The following KRT36 variants were observed in gnomAD, a reference collection of about 807,000 sequenced individuals.
The protein encoded by KRT36 is keratin 36.
KRT36 carries 41 observed loss-of-function variants against 43.0 expected under a neutral mutation model. The ratio of observed to expected loss-of-function variants is 0.95; its 90% CI spans 0.74 to 1.24. KRT36 has a LOEUF of 1.24. Ranked by LOEUF, KRT36 falls within the 50% of genes most tolerant of loss-of-function variation. The pLI, the probability that KRT36 is intolerant of heterozygous loss-of-function variation, is 0.00. For synonymous variants in KRT36, 277 were observed against 252.9 expected, an observed-to-expected ratio of 1.10 and a Z score of -0.90; for missense variants, 627 against 595.3, an observed-to-expected ratio of 1.05 and a Z score of -0.55.
chr17:41,486,915 C>T, intron 6 of KRT36, 35 bp downstream of exon 6: 2 of 1,580,152 alleles, frequency 1.3e-6, no homozygotes, highest in African/African-American at 2.7e-5. Context: ...ACTGAGGGTT[C>T]AGTCAAGCCC....
At position 41,489,665 on chromosome 17, in the gene KRT36, T is replaced by C; in HGVS notation, c.200A>G (p.Tyr67Cys). 1 of 1,613,944 alleles carries C rather than the reference T, an allele frequency of 6.2e-7. No homozygotes were observed. Among genetic ancestry groups the C allele is most frequent in the Non-Finnish European group, 8.5e-7 (1 of 1,179,962 alleles). Reference protein sequence around the residue: ...SGLGSCLPGSYLSSECHTSGF... With the variant: ...SGLGSCLPGSCLSSECHTSGF... ...AGAGGTGTGGCACTCAGAAGACAGG[T>C]AGGAGCCAGGCAAGCAGCTCCCAAG... The change falls in exon 1 of 7, where the codon TAC becomes TGC. Residue 67 changes from tyrosine to cysteine, a missense_variant. Physicochemically the swap from Tyr to Cys is radical, Grantham distance 194 (BLOSUM62 -2). Transcript: ENST00000328119.
intron 3 of KRT36, 151 bp from the exon 4 acceptor site, chr17:41,487,888 C>G: frequency 1.3e-6 from 1 of 744,054 alleles, no homozygotes; most frequent in East Asian, 2.7e-5. Flanking sequence ...GTCTCCTTCT[C>G]CGTATATACC....
In KRT36 at chr17:41,487,038, G is replaced by A. The variant is rs1203759627; in HGVS notation, c.1120C>T (p.Gln374Ter). 1.9e-6 allele frequency: 3 copies of A among 1,614,208 alleles called. No individual in the cohort carries two copies. The highest frequency in any genetic ancestry group is 1.3e-5 in the African/African-American group (1 of 75,066). ...EIRCDLERQN[Q>*]EYQVLLDVKA... is the part of the protein sequence containing the mutation. ...ACGTCCAGTAACACCTGGTACTCCT[G>A]GTTCTGCCGCTCCAGGTCGCAGCGG... Residue 374 changes from glutamine (Q) to a stop codon, truncating the protein, a stop_gained, in exon 6 of 7, where the codon CAG (glutamine) becomes TAG (stop). Coordinates refer to ENST00000328119, the MANE Select transcript of KRT36 (RefSeq NM_003771.5). LOFTEE classifies it high-confidence loss of function.
In KRT36 at chr17:41,487,360, C is replaced by T; in HGVS notation, c.978G>A (p.Gln326=). 6.2e-7 allele frequency: 1 copy of T among 1,611,470 alleles called. No individual in the cohort carries two copies. Among genetic ancestry groups the T allele is most frequent in the East Asian group, 2.2e-5 (1 of 44,854 alleles). The part of the protein sequence containing the change: ...VNALEIELQA[Q]HSMRNSLEST... ...GGCAGGGGCCACTCACCATGCTGTG[C>T]TGAGCCTGCAGCTCAATCTCTAGCG... Residue 326 remains glutamine, a synonymous_variant, in exon 5 of 7, where the codon CAG becomes CAA. Coordinates refer to ENST00000328119, the MANE Select transcript of KRT36 (RefSeq NM_003771.5).
rs763099092 is a variant in KRT36 at position 41,487,629 on chromosome 17, C to T, written c.808G>A (p.Glu270Lys). Reference protein sequence around the residue: ...KILEDMRCQYEALVENNRRDV... With the variant: ...KILEDMRCQYKALVENNRRDV... Reference sequence around the variant, plus strand: ...CTGCGGTTATTCTCCACCAGGGCCTCGTACTGGCATCTCATATCCTCCAGG... The same window carrying T: ...CTGCGGTTATTCTCCACCAGGGCCTTGTACTGGCATCTCATATCCTCCAGG... Residue 270 changes from glutamate (E) to lysine (K), a missense_variant, in exon 4 of 7, where the codon GAG becomes AAG. Coordinates refer to ENST00000328119, the MANE Select transcript of KRT36 (RefSeq NM_003771.5). The T allele has an allele frequency of 3.0e-5, 48 of 1,614,060 alleles. No individual in the cohort carries two copies. Among genetic ancestry groups the T allele is most frequent in the African/African-American group, 4.0e-5 (3 of 74,916 alleles).
intron 2 of KRT36, 34 bp downstream of exon 2, chr17:41,488,608 G>T (rs1301508130): frequency 2.4e-5 from 38 of 1,600,446 alleles, no homozygotes; most frequent in Non-Finnish European, 3.1e-5. Context: ...CAAGGGAGTG[G>T]CATGGCAAAC....
rs1380681676 is a variant in KRT36 at position 41,487,690 on chromosome 17, C to G, written c.747G>C (p.Glu249Asp). The change falls in exon 4 of 7, where the codon GAG becomes GAC. Residue 249 changes from glutamate to aspartate, a missense_variant. Transcript: ENST00000328119. ...GATCCACTGGGGGAGCAGCGTCCAC[C>G]TCCACATTCAGTCGGTCCCCAAGTT... ...RCQLGDRLNV[E>D]VDAAPPVDLN... 1 of 1,613,982 alleles carries G rather than the reference C, an allele frequency of 6.2e-7. No individual in the cohort carries two copies. Among genetic ancestry groups the G allele is most frequent in the Admixed American group, 1.7e-5 (1 of 60,004 alleles).
Position 41,486,898 on chromosome 17 carries a change from A to G in KRT36, c.1208+52T>C, listed in dbSNP as rs939992609. The G allele has an allele frequency of 2.2e-5, 34 of 1,529,208 alleles. No homozygotes were observed. In the East Asian group the frequency reaches 7.2e-4, roughly 32 times the overall value. The allele number at this position is 1,529,208 out of a possible 1,614,324, so 94.7% of individuals were successfully genotyped here. The stretch of plus-strand genomic sequence containing the variant: ...ACCACTTCTGGGCTTGACGCCCTCC[A>G]CATGGCACTGAGGGTTCAGTCAAGC... On this transcript the variant is annotated intron_variant, in intron 6 of 6. Coordinates refer to ENST00000328119, the MANE Select transcript of KRT36 (RefSeq NM_003771.5).
At position 41,486,994 on chromosome 17, in the gene KRT36, G is replaced by C; in HGVS notation, c.1164C>G (p.Gly388=). The change falls in exon 6 of 7, where the codon GGC becomes GGG. Residue 388 remains glycine (G), a synonymous_variant. Coordinates refer to ENST00000328119, the MANE Select transcript of KRT36 (RefSeq NM_003771.5). ...VLLDVKARLE[G]EIATYRHLLE... ...GCAGGTGGCGGTAGGTAGCGATCTC[G>C]CCCTCCAGCCGGGCCTTGACGTCCA... The C allele has an allele frequency of 6.2e-7, 1 of 1,613,828 alleles. No individual in the cohort carries two copies. The highest frequency in any genetic ancestry group is 1.1e-5 in the South Asian group (1 of 91,070).
chr17:41,488,264 G>A lies in KRT36; in HGVS notation c.678C>T (p.Cys226=), dbSNP rs1236809359. The A allele has an allele frequency of 2.5e-6, 4 of 1,613,834 alleles. No homozygotes were observed. Among genetic ancestry groups the A allele is most frequent in the Non-Finnish European group, 3.4e-6 (4 of 1,179,900 alleles). ...QVESLKEELM[C]LKKNHEEEVS... ...TCACCTCCTCGTGATTCTTCTTGAG[G>A]CACATCAGCTCCTCCTTCAGGGACT... The change falls in exon 3 of 7, where the codon TGC becomes TGT. Residue 226 remains cysteine (C), a synonymous_variant. Transcript: ENST00000328119.
At position 41,486,451 on chromosome 17, in the gene KRT36, G is replaced by A. The variant is rs542815138; in HGVS notation, c.1329C>T (p.Ile443=). ...CTCTGATCTCCTCGGTGATGGTGCG[G>A]ATCTGAGTGCCAACCTGGGGAGCCG... ...CTPAPQVGTQ[I]RTITEEIRDG... Residue 443 remains isoleucine (I), a synonymous_variant, in exon 7 of 7, where the codon ATC becomes ATT. Coordinates refer to ENST00000328119, the MANE Select transcript of KRT36 (RefSeq NM_003771.5). The A allele has an allele frequency of 6.2e-7, 1 of 1,614,136 alleles. No individual in the cohort carries two copies. Among genetic ancestry groups the A allele is most frequent in the African/African-American group, 1.3e-5 (1 of 75,060 alleles).
At position 41,486,383 on chromosome 17, in the gene KRT36, G is replaced by A. The variant is rs148487920; in HGVS notation, c.1397C>T (p.Pro466Leu). 46 of 1,613,530 alleles carry A rather than the reference G, an allele frequency of 2.9e-5. No individual in the cohort carries two copies. The highest frequency in any genetic ancestry group is 5.3e-5 in the African/African-American group (4 of 74,900). ...ISSREHVQSR[P>L]L ...GGTGGACCAAGTGGGCTGTCACAGC[G>A]GGCGGGACTGCACGTGCTCCCTGGA... Residue 466 changes from proline (P) to leucine (L), a missense_variant, in exon 7 of 7, where the codon CCG becomes CTG. By Grantham distance (98) the Pro-to-Leu change is moderately conservative. Transcript: ENST00000328119.
In KRT36 at chr17:41,488,637, C is replaced by G; in HGVS notation, c.542+5G>C. The G allele has an allele frequency of 6.2e-7, 1 of 1,614,014 alleles. No homozygotes were observed. The highest frequency in any genetic ancestry group is 1.3e-5 in the African/African-American group (1 of 75,060). On this transcript the variant is annotated splice_donor_5th_base_variant and intron_variant, in intron 2 of 6. Transcript: ENST00000328119. ...GGCAAACCTTCCCTGATCAGGCCCACTCACTTGGTCCGGAAGTCGTCAGCA... is the reference window on the plus strand; with the variant it reads ...GGCAAACCTTCCCTGATCAGGCCCAGTCACTTGGTCCGGAAGTCGTCAGCA...
In KRT36 at chr17:41,489,631, C is replaced by T. The variant is rs749547162; in HGVS notation, c.234G>A (p.Val78=). The T allele has an allele frequency of 6.2e-7, 1 of 1,614,182 alleles. No homozygotes were observed. The highest frequency in any genetic ancestry group is 1.7e-5 in the Admixed American group (1 of 60,024). The stretch of plus-strand genomic sequence containing the variant: ...CCTCGCAGAACCAGCCCCCGCTCCC[C>T]ACAAAGCCAGAGGTGTGGCACTCAG... ...LSSECHTSGF[V]GSGGWFCEGS... The change falls in exon 1 of 7, where the codon GTG becomes GTA. Residue 78 remains valine, a synonymous_variant. Transcript: ENST00000328119.
chr17:41,489,770 CG>C lies in KRT36; in HGVS notation c.94del (p.Arg32ValfsTer69), dbSNP rs767573909. 8 of 1,613,842 alleles carry C rather than the reference CG, an allele frequency of 5.0e-6. No individual in the cohort carries two copies. The South Asian group carries it at 8.8e-5, about 18-fold the overall frequency. On this transcript the variant is annotated frameshift_variant, in exon 1 of 7. Coordinates refer to ENST00000328119, the MANE Select transcript of KRT36 (RefSeq NM_003771.5). LOFTEE classifies it high-confidence loss of function. Reference sequence around the variant, plus strand: ...GGGGACCCTGCAGGAGCCCACAGAACGGATGGAGGACACCCGAGAGATGCCG... The same window carrying C: ...GGGGACCCTGCAGGAGCCCACAGAACGATGGAGGACACCCGAGAGATGCCG... ...AGGISRVSSI[R>X]SVGSCRVPSL...
In KRT36 at chr17:41,489,760, G is replaced by T; in HGVS notation, c.105C>A (p.Gly35=). The T allele has an allele frequency of 3.1e-6, 5 of 1,614,002 alleles. No homozygotes were observed. The highest frequency in any genetic ancestry group is 3.4e-6 in the Non-Finnish European group (4 of 1,179,984). ...CGGCGAGACTGGGGACCCTGCAGGA[G>T]CCCACAGAACGGATGGAGGACACCC... ...ISRVSSIRSV[G]SCRVPSLAGA... Residue 35 remains glycine (G), a synonymous_variant, in exon 1 of 7, where the codon GGC becomes GGA. Transcript: ENST00000328119.
At position 41,489,595 on chromosome 17, in the gene KRT36, G is replaced by A. The variant is rs188302666; in HGVS notation, c.270C>T (p.Asn90=). The change falls in exon 1 of 7, where the codon AAC becomes AAT. Residue 90 remains asparagine, a synonymous_variant. Coordinates refer to ENST00000328119, the MANE Select transcript of KRT36 (RefSeq NM_003771.5). The part of the protein sequence containing the change: ...SGGWFCEGSF[N]GSEKETMQFL... Reference sequence around the variant, plus strand: ...ACTGCATAGTCTCCTTCTCGCTGCCGTTGAAGGAGCCCTCGCAGAACCAGC... The same window carrying A: ...ACTGCATAGTCTCCTTCTCGCTGCCATTGAAGGAGCCCTCGCAGAACCAGC... 122 of 1,614,170 alleles carry A rather than the reference G, an allele frequency of 7.6e-5. No homozygotes were observed. The East Asian group carries it at 1.1e-3, about 14-fold the overall frequency.
chr17:41,487,438 C>A lies in KRT36; in HGVS notation c.900G>T (p.Glu300Asp). The change falls in exon 5 of 7, where the codon GAG (glutamate) becomes GAT (aspartate). Residue 300 changes from glutamate to aspartate, a missense_variant. By Grantham distance (45) the Glu-to-Asp change is conservative. Coordinates refer to ENST00000328119, the MANE Select transcript of KRT36 (RefSeq NM_003771.5). ...TCTCCGTCTGGCAGCACTGCAGCTG[C>A]TCCGAGCTGGACACCACCTGCTGGT... ...ELNQQVVSSS[E>D]QLQCCQTEII... is the part of the protein sequence containing the mutation. 1 of 1,614,182 alleles carries A rather than the reference C, an allele frequency of 6.2e-7. No homozygotes were observed. The highest frequency in any genetic ancestry group is 8.5e-7 in the Non-Finnish European group (1 of 1,180,024).
intron 6 of KRT36, 60 bp downstream of exon 6, chr17:41,486,890 C>A (rs1410406296): frequency 8.1e-6 from 12 of 1,475,212 alleles, no homozygotes; most frequent in Non-Finnish European, 1.0e-5. Context: ...CTGGGCTTGA[C>A]GCCCTCCACA....
Sources: gnomAD v4.1 joint callset for allele counts on GRCh38, gnomAD v4.1.1 for gene constraint, MANE v1.5 for transcripts, NCBI Gene and HGNC (gene_info 2026-07-23, HGNC 2026-07-21) for gene names.